DNM3: variants seen among roughly 807,000 people sequenced by gnomAD.
DNM3 encodes the protein dynamin 3, also known as dynamin-3.
A neutral mutation model predicts 101.6 loss-of-function variants in DNM3; 47 were observed. The observed-to-expected ratio is 0.46, with a 90% CI of 0.37 to 0.59. The LOEUF is 0.59. Among genes scored for constraint, DNM3 ranks in the 20% least tolerant of loss-of-function variants. DNM3 has a pLI of 0.00. For missense variants in DNM3, 849 were observed against 1,085.7 expected (o/e 0.78, Z 3.06); for synonymous variants, 385 against 387.9 (o/e 0.99, Z 0.09).
chr1:172,173,194 G>C (rs1040490898), intron 14 of DNM3, among the ~76,000 whole-genome samples: 2 of 151,714 alleles, frequency 1.3e-5, no homozygotes, highest in African/African-American at 4.8e-5. Flanking sequence ...AGGCACTGAC[G>C]GTGAAGATGG....
At chr1:172,256,436 T>C (rs2062401466) in intron 15 of DNM3, among the ~76,000 whole-genome samples, 1 of 152,074 alleles carries the variant, frequency 6.6e-6, no homozygotes, top group Non-Finnish European at 1.5e-5. Context: ...ATTTGAATAA[T>C]TGTATTTTTT....
intron 14 of DNM3, among the ~76,000 whole-genome samples, chr1:172,216,600 A>G (rs1001022315): frequency 6.6e-6 from 1 of 152,148 alleles, no homozygotes; most frequent in Non-Finnish European, 1.5e-5. Context: ...ATTGGAGAAA[A>G]ATGATTAATC....
At position 172,283,652 on chromosome 1, in the gene DNM3, C is replaced by T. The variant is rs184345145; in HGVS notation, c.1770-25076C>T. Among the ~76,000 whole-genome samples the T allele has an allele frequency of 4.0e-5, 6 of 150,104 alleles. No individual in the cohort carries two copies. The East Asian group carries it at 5.9e-4, about 15-fold the overall frequency. On this transcript the variant is annotated intron_variant, in intron 15 of 20. Transcript: ENST00000627582. Reference sequence around the variant, plus strand: ...GCAGGCACTTGTAGTCCCAGCTACCCGGGAGGCTGAGGCAGGAAAATCGCT... The same window carrying T: ...GCAGGCACTTGTAGTCCCAGCTACCTGGGAGGCTGAGGCAGGAAAATCGCT...
chr1:172,302,297 A>C (rs1470158573), intron 15 of DNM3, among the ~76,000 whole-genome samples: 1 of 152,222 alleles, frequency 6.6e-6, no homozygotes, highest in African/African-American at 2.4e-5. Context: ...TTGACTTGCC[A>C]GGCAGCAGCC....
chr1:172,100,771 C>A (rs942941858), intron 13 of DNM3, among the ~76,000 whole-genome samples: 1 of 152,108 alleles, frequency 6.6e-6, no homozygotes, highest in Non-Finnish European at 1.5e-5. Context: ...ATAGTGTCAC[C>A]ATGAACTAGT....
At chr1:171,851,191 C>A (rs934414106) in intron 1 of DNM3, among the ~76,000 whole-genome samples, 1 of 152,134 alleles carries the variant, frequency 6.6e-6, no homozygotes, top group Admixed American at 6.5e-5. Flanking sequence ...AGGAATCTAC[C>A]GAACAGTTGG....
At chr1:172,029,977 G>A (rs768620111) in intron 4 of DNM3, among the ~76,000 whole-genome samples, 7 of 152,066 alleles carry the variant, frequency 4.6e-5, no homozygotes, top group Non-Finnish European at 1.0e-4. Flanking sequence ...AATGGCCATA[G>A]TGTCCAAAGT....
chr1:172,262,964 A>T (rs1029104853), intron 15 of DNM3, among the ~76,000 whole-genome samples: 1 of 152,174 alleles, frequency 6.6e-6, no homozygotes. Flanking sequence ...GTTAGAAAAG[A>T]TGTATTTCCT....
chr1:172,303,860 A>G (rs1008752635), intron 15 of DNM3, among the ~76,000 whole-genome samples: 1 of 152,184 alleles, frequency 6.6e-6, no homozygotes, highest in African/African-American at 2.4e-5. Flanking sequence ...GACCTGCCTT[A>G]TAAGAGCTTC....
At chr1:171,851,301 G>C (rs535299568) in intron 1 of DNM3, among the ~76,000 whole-genome samples, 6 of 152,314 alleles carry the variant, frequency 3.9e-5, no homozygotes, top group African/African-American at 1.4e-4. Flanking sequence ...TATGGCAGGA[G>C]CTAACTGAAT....
downstream of DNM3, among the ~76,000 whole-genome samples, chr1:172,416,638 C>G (rs1226117292): frequency 6.6e-6 from 1 of 152,186 alleles, no homozygotes; most frequent in African/African-American, 2.4e-5. Flanking sequence ...GCACTGTGGA[C>G]TTGCTGTTCA....
chr1:172,266,088 T>C (rs1367347147), intron 15 of DNM3, among the ~76,000 whole-genome samples: 2 of 152,156 alleles, frequency 1.3e-5, no homozygotes, highest in Admixed American at 6.5e-5. Flanking sequence ...CGCAATATAG[T>C]TAGTGTGTGC....
chr1:172,408,183 C>A lies in DNM3; in HGVS notation c.*342C>A. The A allele has an allele frequency of 4.6e-6, 5 of 1,076,212 alleles. No individual in the cohort carries two copies. The highest frequency in any genetic ancestry group is 5.6e-6 in the Non-Finnish European group (5 of 885,046). 66.7% of individuals were successfully genotyped at this position (1,076,212 alleles called of 1,614,324 possible). ...GCTATCTACCAGGTAGCTCATTAAA[C>A]GTAATTCTTCAGATATGAGATAGTG... On this transcript the variant is annotated 3_prime_UTR_variant, in exon 21 of 21. Transcript: ENST00000627582.
chr1:172,032,203 T>C (rs928800732), intron 4 of DNM3, among the ~76,000 whole-genome samples, 199 bp from the exon 5 acceptor site: 3 of 152,190 alleles, frequency 2.0e-5, no homozygotes, highest in African/African-American at 7.2e-5. Context: ...GGTTATCTTC[T>C]GGATGGGTGG....
At chr1:172,130,340 G>T (rs1037277704) in intron 13 of DNM3, among the ~76,000 whole-genome samples, 14 of 152,060 alleles carry the variant, frequency 9.2e-5, no homozygotes, top group Non-Finnish European at 1.3e-4. Flanking sequence ...GGTAAATGAT[G>T]CCCTCTGGAT....
Position 171,854,886 on chromosome 1 carries a change from AATT to A in DNM3, c.161+13076_161+13078del, listed in dbSNP as rs1386323962. ...CTGGCCCAATTTTTCCTTTTTTAAA[AATT>A]ATTATTTTAGGTTCAGGGGCACATG... On this transcript the variant is annotated intron_variant, in intron 1 of 20. Coordinates refer to ENST00000627582, the MANE Select transcript of DNM3 (RefSeq NM_015569.5). Among the ~76,000 whole-genome samples, 7 of 152,022 alleles carry A rather than the reference AATT, an allele frequency of 4.6e-5. No homozygotes were observed. The East Asian group carries it at 1.2e-3, about 25-fold the overall frequency.
At chr1:172,192,501 T>A (rs944404960) in intron 14 of DNM3, among the ~76,000 whole-genome samples, 1 of 149,360 alleles carries the variant, frequency 6.7e-6, no homozygotes, top group African/African-American at 2.5e-5. Context: ...GCATTAGGTA[T>A]ATCTCCCAAT....
At chr1:172,373,132 A>AAC (rs1464805463) in intron 17 of DNM3, among the ~76,000 whole-genome samples, 5 of 152,142 alleles carry the variant, frequency 3.3e-5, no homozygotes, top group Non-Finnish European at 7.4e-5. Flanking sequence ...AGTACTCACT[A>AAC]ACAATAGTAT....
intron 1 of DNM3, among the ~76,000 whole-genome samples, chr1:171,899,683 G>C (rs74670150): frequency 0.093 from 14,095 of 152,224 alleles, 806 homozygotes; most frequent in South Asian, 0.23. Context: ...CATTAGTTGA[G>C]GGCCTATGCT....
Sources: gnomAD v4.1 joint callset for allele counts (sites outside exome capture counted in the v4.1 genomes callset) on GRCh38, gnomAD v4.1.1 for gene constraint, MANE v1.5 for transcripts, NCBI Gene and HGNC (gene_info 2026-07-23, HGNC 2026-07-21) for gene names.